Variants in PTPRT observed in about 807,000 individuals in gnomAD.
The protein encoded by PTPRT is receptor-type tyrosine-protein phosphatase T.
A neutral mutation model predicts 176.8 loss-of-function variants in PTPRT; 56 were observed. The ratio of observed to expected loss-of-function variants is 0.32; its 90% CI spans 0.26 to 0.40. The LOEUF (loss-of-function observed/expected upper bound fraction) is 0.40. Among genes scored for constraint, PTPRT ranks in the 10% least tolerant of loss-of-function variants. PTPRT has a pLI of 1.00. For synonymous variants in PTPRT, 783 were observed against 739.0 expected (o/e 1.06, Z -0.96); for missense variants, 1,540 against 1,908.2 (o/e 0.81, Z 3.60).
At chr20:42,754,074 G>C (rs914864353) in intron 6 of PTPRT, among the ~76,000 whole-genome samples, 19 of 152,096 alleles carry the variant, frequency 1.2e-4, no homozygotes, top group Admixed American at 4.6e-4. Flanking sequence ...AGCCACGGAA[G>C]GTATAAGACA....
chr20:42,448,289 G>A lies in PTPRT; in HGVS notation c.1491C>T (p.Pro497=). 6.2e-7 allele frequency: 1 copy of A among 1,613,460 alleles called. No homozygotes were observed. Among genetic ancestry groups the A allele is most frequent in the South Asian group, 1.1e-5 (1 of 91,066 alleles). The change falls in exon 9 of 31, where the codon CCC becomes CCT. Residue 497 remains proline, a synonymous_variant. Transcript: ENST00000373187. ...ACTGGATGTAGATCTTCTCCTCAAA[G>A]GGCCCCCCTTGGATGGATTCTAGAG... ...AVPLESIQGG[P]FEEKIYIQWK...
chr20:42,557,924 C>A lies in PTPRT; in HGVS notation c.1154-85362G>T, dbSNP rs78791193. ...GCAATTACAAATAGAAATATTCTTT[C>A]AGTTAAATGAATGAATTACTTGTTT... On this transcript the variant is annotated intron_variant, in intron 7 of 30. Coordinates refer to ENST00000373187, the MANE Select transcript of PTPRT (RefSeq NM_007050.6). Among the ~76,000 whole-genome samples, 562 of 152,294 alleles carry A rather than the reference C, an allele frequency of 3.7e-3. 7 individuals carry two copies. Among genetic ancestry groups the A allele is most frequent in the African/African-American group, 0.013 (538 of 41,562 alleles).
chr20:43,008,713 C>T (rs919825510), intron 1 of PTPRT, among the ~76,000 whole-genome samples: 1 of 152,088 alleles, frequency 6.6e-6, no homozygotes, highest in African/African-American at 2.4e-5. Flanking sequence ...AAAAAAAGAA[C>T]TACGAGAAAT....
intron 2 of PTPRT, among the ~76,000 whole-genome samples, chr20:42,861,716 G>A (rs1260440604): frequency 6.6e-6 from 1 of 151,896 alleles, no homozygotes; most frequent in Admixed American, 6.6e-5. Flanking sequence ...ACAAAAAACA[G>A]GGAGTACATA....
intron 1 of PTPRT, among the ~76,000 whole-genome samples, chr20:43,079,177 T>C (rs200241342): frequency 3.9e-3 from 349 of 88,436 alleles, no homozygotes; most frequent in Middle Eastern, 5.2e-3. Flanking sequence ...TCTCTCTCCC[T>C]CCCCCCCCCC....
intron 1 of PTPRT, among the ~76,000 whole-genome samples, chr20:43,114,602 AC>A (rs1332100699): frequency 6.6e-5 from 10 of 152,332 alleles, no homozygotes; most frequent in African/African-American, 1.9e-4. Context: ...CCATTATCCT[AC>A]TAATAACAAT....
rs572262431 is a variant in PTPRT, at chr20:42,412,647, A to T, written c.1560+35573T>A. Among the ~76,000 whole-genome samples the T allele has an allele frequency of 2.6e-5, 4 of 152,346 alleles. No homozygotes were observed. The South Asian group carries it at 8.3e-4, about 32-fold the overall frequency. ...CCTATAGTAGACAAAACTGGGAACA[A>T]CACAGATTTCTATCCATGAATGGAT... is the stretch of plus-strand genomic sequence containing the variant. On this transcript the variant is annotated intron_variant, in intron 9 of 30. Transcript: ENST00000373187.
chr20:42,478,111 G>A (rs891604102), intron 7 of PTPRT, among the ~76,000 whole-genome samples: 12 of 152,230 alleles, frequency 7.9e-5, no homozygotes, highest in Admixed American at 1.3e-4. Flanking sequence ...CCAAAGGATG[G>A]CTGTCTGGGG....
chr20:43,106,713 A>G (rs2012629779), intron 1 of PTPRT, among the ~76,000 whole-genome samples: 1 of 137,186 alleles, frequency 7.3e-6, no homozygotes. Context: ...GGAAAGAAGG[A>G]AGGGAGGGAG....
In PTPRT at chr20:43,114,738, G is replaced by A. The variant is rs189527655; in HGVS notation, c.88+74908C>T. ...TATGGTGCTAAATTAAATGGCTTAC[G>A]TTCTGAGCCCTCACCAGTGTTATTA... On this transcript the variant is annotated intron_variant, in intron 1 of 30. Transcript: ENST00000373187. Among the ~76,000 whole-genome samples the A allele has an allele frequency of 1.6e-3, 236 of 152,072 alleles. 4 individuals are homozygous for A. The highest frequency in any genetic ancestry group is 0.012 in the Admixed American group (184 of 15,276).
chr20:43,071,616 T>A (rs1448588870), intron 1 of PTPRT, among the ~76,000 whole-genome samples: 1 of 151,730 alleles, frequency 6.6e-6, no homozygotes, highest in Non-Finnish European at 1.5e-5. Context: ...AGAAACCCCG[T>A]CTCTACTAAA....
At chr20:42,972,657 G>C (rs891207289) in intron 1 of PTPRT, among the ~76,000 whole-genome samples, 4 of 111,480 alleles carry the variant, frequency 3.6e-5, no homozygotes, top group African/African-American at 1.3e-4. Flanking sequence ...GCAACAGAAT[G>C]AGACTCCGTC....
At chr20:42,739,834 T>C (rs972013472) in intron 6 of PTPRT, among the ~76,000 whole-genome samples, 3 of 152,216 alleles carry the variant, frequency 2.0e-5, no homozygotes, top group African/African-American at 4.8e-5. Context: ...ACTCCCTTCC[T>C]GCTCTATTAC....
chr20:42,515,255 C>A (rs2072039125), intron 7 of PTPRT, among the ~76,000 whole-genome samples: 1 of 152,142 alleles, frequency 6.6e-6, no homozygotes, highest in Non-Finnish European at 1.5e-5. Context: ...GAGGCCGAGG[C>A]AGGCGGATCA....
chr20:42,767,411 G>C (rs2076998091), intron 5 of PTPRT, among the ~76,000 whole-genome samples: 1 of 151,904 alleles, frequency 6.6e-6, no homozygotes, highest in African/African-American at 2.4e-5. Flanking sequence ...TGGAACAGTG[G>C]TCTTCTCCTG....
chr20:42,805,187 G>T (rs1381562687), intron 2 of PTPRT, among the ~76,000 whole-genome samples: 2 of 152,182 alleles, frequency 1.3e-5, no homozygotes, highest in African/African-American at 4.8e-5. Flanking sequence ...GAAAGGAGGA[G>T]TGACAAGTCC....
intron 12 of PTPRT, among the ~76,000 whole-genome samples, chr20:42,292,633 G>A (rs891379858): frequency 8.5e-5 from 13 of 152,120 alleles, no homozygotes; most frequent in African/African-American, 2.9e-4. Context: ...GTGTCTGTAA[G>A]GCAAATACCC....
intron 2 of PTPRT, among the ~76,000 whole-genome samples, chr20:42,864,419 A>G (rs1051783603): frequency 3.3e-5 from 5 of 152,104 alleles, no homozygotes; most frequent in South Asian, 4.1e-4. Flanking sequence ...TTACCAAGGC[A>G]CCTCCATGCT....
chr20:43,020,489 CAAT>C (rs1985621307), intron 1 of PTPRT, among the ~76,000 whole-genome samples: 1 of 152,004 alleles, frequency 6.6e-6, no homozygotes, highest in South Asian at 2.1e-4. Flanking sequence ...TACATTTGTA[CAAT>C]GAGTGCCTGT....
Sources: gnomAD v4.1 joint callset for allele counts (sites outside exome capture counted in the v4.1 genomes callset) on GRCh38, gnomAD v4.1.1 for gene constraint, MANE v1.5 for transcripts, NCBI Gene and HGNC (gene_info 2026-07-23, HGNC 2026-07-21) for gene names.